The following MYO1D variants were observed in gnomAD, a reference collection of about 807,000 sequenced individuals.
MYO1D encodes myosin ID, also known as unconventional myosin-Id.
A neutral mutation model predicts 122.0 loss-of-function variants in MYO1D; 83 were observed. The observed-to-expected ratio is 0.68, with a 90% CI of 0.57 to 0.82. The LOEUF (loss-of-function observed/expected upper bound fraction) is 0.82, where lower values mean the gene tolerates loss of function less well. Ranked by LOEUF, MYO1D falls within the 40% of genes least tolerant of loss-of-function variation. The probability of loss-of-function intolerance (pLI) is 0.00; values close to 1 mark genes in which losing one functional copy is unlikely to be tolerated. For synonymous variants in MYO1D, 464 were observed against 446.9 expected (o/e 1.04, Z -0.48); for missense variants, 1,157 against 1,269.5 (o/e 0.91, Z 1.35).
chr17:32,648,803 TA>T (rs1192796181), intron 19 of MYO1D, among the ~76,000 whole-genome samples: 3 of 152,254 alleles, frequency 2.0e-5, no homozygotes, highest in African/African-American at 7.2e-5. Context: ...CAGTTAGGCC[TA>T]AATTTATCAT....
chr17:32,857,013 T>C (rs1036339002), intron 1 of MYO1D, among the ~76,000 whole-genome samples: 29 of 152,228 alleles, frequency 1.9e-4, no homozygotes, highest in Admixed American at 1.2e-3. Context: ...CACTTTGAAG[T>C]CCTGTCAGTC....
intron 13 of MYO1D, among the ~76,000 whole-genome samples, chr17:32,739,312 C>A (rs1320375208): frequency 6.6e-6 from 1 of 151,834 alleles, no homozygotes; most frequent in Non-Finnish European, 1.5e-5. Flanking sequence ...ACTATGCAGC[C>A]ATAAAAAAGG....
intron 1 of MYO1D, among the ~76,000 whole-genome samples, chr17:32,829,106 C>T (rs2090749630): frequency 6.6e-6 from 1 of 152,138 alleles, no homozygotes; most frequent in African/African-American, 2.4e-5. Flanking sequence ...AAGTAAACTA[C>T]AAAACATTTG....
intron 16 of MYO1D, among the ~76,000 whole-genome samples, chr17:32,703,401 G>T (rs1277625052): frequency 6.6e-6 from 1 of 151,272 alleles, no homozygotes; most frequent in African/African-American, 2.4e-5. Flanking sequence ...CTCCCTTTGA[G>T]AATCCATTCT....
At chr17:32,558,672 G>A (rs1299358510) in intron 21 of MYO1D, among the ~76,000 whole-genome samples, 3 of 152,134 alleles carry the variant, frequency 2.0e-5, no homozygotes, top group Non-Finnish European at 4.4e-5. Context: ...TCATTAACAC[G>A]CTCCGTCTCT....
chr17:32,641,975 C>T (rs1397087081), intron 19 of MYO1D, among the ~76,000 whole-genome samples: 1 of 152,138 alleles, frequency 6.6e-6, no homozygotes, highest in African/African-American at 2.4e-5. Context: ...GTTGCCATTG[C>T]TTTTGGTGTT....
intron 21 of MYO1D, among the ~76,000 whole-genome samples, chr17:32,564,968 A>T (rs1480286370): frequency 2.6e-5 from 4 of 152,242 alleles, no homozygotes; most frequent in African/African-American, 9.6e-5. Context: ...CATAATGCAT[A>T]TAACTAGACA....
At chr17:32,615,105 G>T (rs1299254960) in intron 20 of MYO1D, among the ~76,000 whole-genome samples, 1 of 152,236 alleles carries the variant, frequency 6.6e-6, no homozygotes, top group Middle Eastern at 3.2e-3. Flanking sequence ...TAAGTCTGGG[G>T]TGGATTGTTA....
At chr17:32,850,839 A>C (rs1213070902) in intron 1 of MYO1D, among the ~76,000 whole-genome samples, 2 of 152,156 alleles carry the variant, frequency 1.3e-5, no homozygotes, top group Admixed American at 6.5e-5. Context: ...TTACCATGGG[A>C]GTCAATCTCT....
chr17:32,494,845 C>T lies in MYO1D; in HGVS notation c.2935G>A (p.Val979Ile), dbSNP rs1909030703. The stretch of plus-strand genomic sequence containing the variant: ...TGGTTGAGCCGCGTCTCCACGGAGA[C>T]GGTGCACTTCTTCCCGTGCAGGCTG... ...QCSLHGKKCT[V>I]SVETRLNQPQ... Residue 979 changes from valine (V) to isoleucine (I), a missense_variant, in exon 22 of 22, where the codon GTC becomes ATC. By Grantham distance (29) the Val-to-Ile change is conservative. Coordinates refer to ENST00000318217, the MANE Select transcript of MYO1D (RefSeq NM_015194.3). The T allele has an allele frequency of 1.2e-6, 2 of 1,613,982 alleles. No homozygotes were observed. The highest frequency in any genetic ancestry group is 1.3e-5 in the African/African-American group (1 of 75,042).
chr17:32,651,410 C>T (rs761062453), intron 19 of MYO1D, among the ~76,000 whole-genome samples: 23 of 152,296 alleles, frequency 1.5e-4, no homozygotes, highest in East Asian at 5.8e-4. Flanking sequence ...TACTCTGCTC[C>T]ACAAATTCTA....
At chr17:32,651,674 C>CT (rs869114531) in intron 19 of MYO1D, among the ~76,000 whole-genome samples, 1,527 of 134,106 alleles carry the variant, frequency 0.011, 46 homozygotes, top group East Asian at 0.11. Flanking sequence ...CTTTTTCCCA[C>CT]TTTTTTTTTT....
intron 21 of MYO1D, among the ~76,000 whole-genome samples, chr17:32,535,757 A>T (rs1048124085): frequency 2.0e-5 from 3 of 152,314 alleles, no homozygotes; most frequent in Non-Finnish European, 4.4e-5. Flanking sequence ...TCTCAACAAA[A>T]CAAAACAAAA....
At chr17:32,677,914 T>C (rs964770586) in intron 16 of MYO1D, among the ~76,000 whole-genome samples, 2 of 152,158 alleles carry the variant, frequency 1.3e-5, no homozygotes, top group Non-Finnish European at 2.9e-5. Flanking sequence ...TTATGATCAA[T>C]ATTTCATGGA....
chr17:32,802,573 G>A, intron 1 of MYO1D, among the ~76,000 whole-genome samples: 1 of 152,176 alleles, frequency 6.6e-6, no homozygotes, highest in Non-Finnish European at 1.5e-5. Flanking sequence ...GTGGTTAAGA[G>A]TTAGTTTGAC....
At chr17:32,794,926 A>AGGAATGAC (rs1275422982) in intron 1 of MYO1D, among the ~76,000 whole-genome samples, 2 of 152,160 alleles carry the variant, frequency 1.3e-5, no homozygotes, top group African/African-American at 4.8e-5. Context: ...GGTCTCAGGA[A>AGGAATGAC]GGAATGACGG....
intron 1 of MYO1D, among the ~76,000 whole-genome samples, chr17:32,837,587 A>C (rs1407884750): frequency 1.3e-5 from 2 of 152,154 alleles, no homozygotes; most frequent in Non-Finnish European, 2.9e-5. Flanking sequence ...TTGTATCTAA[A>C]ATCTTTCCTT....
At chr17:32,625,821 G>A (rs2087920582) in intron 20 of MYO1D, among the ~76,000 whole-genome samples, 1 of 152,220 alleles carries the variant, frequency 6.6e-6, no homozygotes, top group African/African-American at 2.4e-5. Flanking sequence ...GTGAGCCACT[G>A]CTCTGGGCCC....
At chr17:32,832,587 T>C (rs186356933) in intron 1 of MYO1D, among the ~76,000 whole-genome samples, 1 of 152,230 alleles carries the variant, frequency 6.6e-6, no homozygotes, top group African/African-American at 2.4e-5. Flanking sequence ...TGTGAGCCAC[T>C]GGGCCCGGCT....
Sources: allele counts gnomAD v4.1 joint callset (sites outside exome capture counted in the v4.1 genomes callset), GRCh38; gene constraint gnomAD v4.1.1; transcripts MANE v1.5; gene names NCBI Gene and HGNC (gene_info 2026-07-23, HGNC 2026-07-21).